OR2L13: variants seen among roughly 807,000 people sequenced by gnomAD.
The protein encoded by OR2L13 is olfactory receptor family 2 subfamily L member 13, also known as olfactory receptor 2L13.
In OR2L13, 14 loss-of-function variants were observed where a neutral mutation model predicts 15.3. The observed-to-expected ratio is 0.91, with a 90% confidence interval of 0.60 to 1.43. OR2L13 has a LOEUF of 1.43. Ranked by LOEUF, OR2L13 falls within the 40% of genes most tolerant of loss-of-function variation. OR2L13 has a pLI of 0.00. For synonymous variants in OR2L13, 152 were observed against 142.9 expected (o/e 1.06, Z -0.45); for missense variants, 367 against 387.9 (o/e 0.95, Z 0.45).
At chr1:248,079,188 G>T in the OR2L13 span, among the ~76,000 whole-genome samples, 1 of 152,004 alleles carries the variant, frequency 6.6e-6, no homozygotes, top group Admixed American at 6.6e-5. Context: ...GAATTTCCTG[G>T]GTTTGATAAT....
chr1:247,997,757 T>C, the OR2L13 span, among the ~76,000 whole-genome samples: 1 of 152,198 alleles, frequency 6.6e-6, no homozygotes, highest in Non-Finnish European at 1.5e-5. Flanking sequence ...TCAGAACTCA[T>C]TTCTGAACGT....
the OR2L13 span, among the ~76,000 whole-genome samples, chr1:248,071,197 C>T: frequency 1.3e-5 from 2 of 152,166 alleles, no homozygotes; most frequent in Non-Finnish European, 2.9e-5. Context: ...AGACCAATAT[C>T]CCTGATGAAC....
the OR2L13 span, among the ~76,000 whole-genome samples, chr1:248,080,055 G>A: frequency 2.0e-5 from 3 of 152,082 alleles, no homozygotes; most frequent in African/African-American, 7.2e-5. Flanking sequence ...GATTTCCTTT[G>A]TGAAGGTATC....
the OR2L13 span, among the ~76,000 whole-genome samples, chr1:248,085,919 G>A: frequency 4.2e-4 from 64 of 152,214 alleles, 2 homozygotes; most frequent in South Asian, 1.2e-3. Context: ...CTGATCTGAC[G>A]GAGGCAGAAC....
the OR2L13 span, chr1:248,022,958 C>G: frequency 7.6e-7 from 1 of 1,321,146 alleles, no homozygotes; most frequent in South Asian, 1.5e-5. Flanking sequence ...TGAAGAAAAA[C>G]ATTATTACAT....
chr1:247,990,461 C>A, the OR2L13 span: 98 of 1,581,518 alleles, frequency 6.2e-5, 1 homozygote, highest in South Asian at 1.0e-3. Context: ...TTAGTCAGCT[C>A]TCCCTCATTG....
At chr1:247,953,582 T>A in the OR2L13 span, among the ~76,000 whole-genome samples, 1 of 152,184 alleles carries the variant, frequency 6.6e-6, no homozygotes, top group South Asian at 2.1e-4. Context: ...AAGGAATGAA[T>A]GATATGCCAT....
chr1:248,067,040 G>C, the OR2L13 span, among the ~76,000 whole-genome samples: 1 of 152,208 alleles, frequency 6.6e-6, no homozygotes, highest in Non-Finnish European at 1.5e-5. Context: ...GCAGTCATTG[G>C]CTATGTGACA....
chr1:248,052,495 G>A, the OR2L13 span, among the ~76,000 whole-genome samples: 1 of 152,074 alleles, frequency 6.6e-6, no homozygotes, highest in Non-Finnish European at 1.5e-5. Flanking sequence ...TTGGGAGGCC[G>A]AGCCGGGCAG....
At chr1:247,947,308 C>T in the OR2L13 span, among the ~76,000 whole-genome samples, 1 of 152,144 alleles carries the variant, frequency 6.6e-6, no homozygotes, top group Non-Finnish European at 1.5e-5. Context: ...ATGCATATGA[C>T]TGTGTGTGAT....
the OR2L13 span, among the ~76,000 whole-genome samples, chr1:247,968,357 T>C: frequency 6.6e-6 from 1 of 152,158 alleles, no homozygotes; most frequent in Non-Finnish European, 1.5e-5. Flanking sequence ...TTATTTTTTT[T>C]AGTATACTTT....
At chr1:247,994,377 ACAG>A in the OR2L13 span, among the ~76,000 whole-genome samples, 1 of 152,158 alleles carries the variant, frequency 6.6e-6, no homozygotes, top group Admixed American at 6.6e-5. Context: ...AGCCGGGGCG[ACAG>A]AGCGAGACTC....
chr1:248,078,520 G>C, the OR2L13 span, among the ~76,000 whole-genome samples: 1 of 150,414 alleles, frequency 6.6e-6, no homozygotes, highest in Non-Finnish European at 1.5e-5. Flanking sequence ...CAGCTGTTTT[G>C]GAAAAAAAAG....
chr1:248,059,937 G>A, the OR2L13 span, among the ~76,000 whole-genome samples: 1 of 152,010 alleles, frequency 6.6e-6, no homozygotes, highest in Non-Finnish European at 1.5e-5. Context: ...CTACTCAGGA[G>A]GCTGAGGCAG....
the OR2L13 span, among the ~76,000 whole-genome samples, chr1:248,067,461 A>T: frequency 6.6e-6 from 1 of 152,226 alleles, no homozygotes; most frequent in African/African-American, 2.4e-5. Context: ...TGCTCATATT[A>T]TTCTTTTTGT....
chr1:248,022,015 G>A, the OR2L13 span: 4 of 1,613,874 alleles, frequency 2.5e-6, no homozygotes, highest in East Asian at 6.7e-5. Flanking sequence ...TCAAAAATTG[G>A]CCTTTTCCTC....
the OR2L13 span, chr1:247,990,298 T>C: frequency 9.3e-7 from 1 of 1,074,176 alleles, no homozygotes; most frequent in Admixed American, 1.7e-5. Context: ...TCAACTGCTT[T>C]CATCTTGTTG....
chr1:248,090,916 G>A (rs76835829), upstream of OR2L13, among the ~76,000 whole-genome samples: 6,419 of 152,176 alleles, frequency 0.042, 455 homozygotes, highest in African/African-American at 0.15. Flanking sequence ...GTGTATAAGC[G>A]TTCCCTTTTC....
chr1:247,980,498 C>G, the OR2L13 span, among the ~76,000 whole-genome samples: 5,915 of 152,142 alleles, frequency 0.039, 357 homozygotes, highest in African/African-American at 0.13. Flanking sequence ...ATTTCATAAA[C>G]TATTAGAGAC....
Sources: allele counts gnomAD v4.1 joint callset (sites outside exome capture counted in the v4.1 genomes callset), GRCh38; gene constraint gnomAD v4.1.1; transcripts MANE v1.5; gene names NCBI Gene and HGNC (gene_info 2026-07-23, HGNC 2026-07-21).